The following VAV2 variants were observed in gnomAD, a reference collection of about 807,000 sequenced individuals.
VAV2 encodes the protein guanine nucleotide exchange factor VAV2.
Under a neutral mutation model 132.5 loss-of-function variants are expected in VAV2, and 67 were observed. The observed-to-expected ratio is 0.51, with a 90% CI of 0.42 to 0.62. The LOEUF (loss-of-function observed/expected upper bound fraction) is 0.62. Among genes scored for constraint, VAV2 ranks in the 20% least tolerant of loss-of-function variants. VAV2 has a pLI of 0.00. For missense variants in VAV2, 938 were observed against 1,153.6 expected (o/e 0.81, Z 2.71); for synonymous variants, 492 against 443.5 (o/e 1.11, Z -1.37).
intron 9 of VAV2, 133 bp from the exon 10 acceptor site, chr9:133,797,942 A>C (rs1179142994): frequency 2.8e-6 from 2 of 708,586 alleles, no homozygotes; most frequent in Non-Finnish European, 4.5e-6. Context: ...AGCTCCCTGC[A>C]CGTGGACACA....
intron 1 of VAV2, among the ~76,000 whole-genome samples, chr9:133,957,133 G>A (rs1005436604): frequency 9.2e-5 from 14 of 152,138 alleles, no homozygotes; most frequent in Non-Finnish European, 1.5e-4. Flanking sequence ...TAGGATGATC[G>A]TCCCTGCTTT....
chr9:133,944,880 G>A (rs1428097433), intron 1 of VAV2, among the ~76,000 whole-genome samples: 1 of 152,198 alleles, frequency 6.6e-6, no homozygotes, highest in Non-Finnish European at 1.5e-5. Context: ...AGGAGAGCTC[G>A]GGCAAGTCTC....
chr9:133,793,961 T>G (rs939459064), intron 12 of VAV2, among the ~76,000 whole-genome samples: 1 of 152,082 alleles, frequency 6.6e-6, no homozygotes, highest in African/African-American at 2.4e-5. Flanking sequence ...AGTTTCATGA[T>G]GAGGTTCGGT....
chr9:133,766,613 G>C (rs973557231), intron 29 of VAV2, among the ~76,000 whole-genome samples: 1 of 151,944 alleles, frequency 6.6e-6, no homozygotes, highest in African/African-American at 2.4e-5. Flanking sequence ...TCACACTGGA[G>C]GGGGAGGGGG....
Position 133,788,558 on chromosome 9 carries a change from C to A in VAV2, c.1275-72G>T. On this transcript the variant is annotated intron_variant, in intron 14 of 29. Transcript: ENST00000371850. This position sits in a 1 kb window ranked among gnomAD's most constrained non-coding sequence, Gnocchi z 5.3. ...CTCTGCTCCGAGGAGGCGGCAGGAG[C>A]TGAGCCTGAGGCTCTGGCACGCGGC... The A allele has an allele frequency of 6.4e-7, 1 of 1,562,050 alleles. No homozygotes were observed. Among genetic ancestry groups the A allele is most frequent in the South Asian group, 1.1e-5 (1 of 87,642 alleles).
intron 4 of VAV2, among the ~76,000 whole-genome samples, chr9:133,817,528 A>G (rs931354728): frequency 2.0e-5 from 3 of 152,176 alleles, no homozygotes; most frequent in South Asian, 2.1e-4. Context: ...GAATTGTTTG[A>G]GCCTGGGAGG....
Position 133,877,391 on chromosome 9 carries a change from A to T in VAV2, c.322-15959T>A, listed in dbSNP as rs184043412. On this transcript the variant is annotated intron_variant, in intron 2 of 29. Coordinates refer to ENST00000371850, the MANE Select transcript of VAV2 (RefSeq NM_001134398.2). ...AGCCACTGCCCACAAGCAGGGTGGG[A>T]CCATCACACTGCCAGGAACCTTCTT... is the stretch of plus-strand genomic sequence containing the variant. Among the ~76,000 whole-genome samples the T allele has an allele frequency of 3.1e-4, 47 of 152,290 alleles. No homozygotes were observed. In the East Asian group the frequency reaches 8.9e-3, roughly 29 times the overall value.
chr9:133,922,163 G>T (rs1287261730), intron 2 of VAV2, among the ~76,000 whole-genome samples: 1 of 152,374 alleles, frequency 6.6e-6, no homozygotes, highest in East Asian at 1.9e-4. Flanking sequence ...AGTCTTGGGA[G>T]GTGGTGGGGC....
Position 133,935,016 on chromosome 9 carries a change from G to A in VAV2, c.321+4087C>T. 7.4e-6 allele frequency among the ~76,000 whole-genome samples: 1 copy of A among 135,882 alleles called. No homozygotes were observed. Among genetic ancestry groups the A allele is most frequent in the African/African-American group, 2.7e-5 (1 of 36,472 alleles). The allele number at this position is 135,882 out of a possible 152,430, so 89.1% of individuals were successfully genotyped here. ...GGAGTCCCCAGCCCCACACCCCCTC[G>A]GTTACCCCTGACCAGCCCCACCCAC... On this transcript the variant is annotated intron_variant, in intron 2 of 29. Coordinates refer to ENST00000371850, the MANE Select transcript of VAV2 (RefSeq NM_001134398.2). This position sits in a 1 kb window ranked among gnomAD's most constrained non-coding sequence, Gnocchi z 5.2.
chr9:133,820,323 CTTTT>C (rs1410223095), intron 4 of VAV2, among the ~76,000 whole-genome samples: 1 of 149,084 alleles, frequency 6.7e-6, no homozygotes, highest in Admixed American at 6.7e-5. Context: ...GTTTCTTTTT[CTTTT>C]TCTTTTTTTT....
chr9:133,812,717 G>C (rs943878038), intron 4 of VAV2, among the ~76,000 whole-genome samples: 5 of 152,152 alleles, frequency 3.3e-5, no homozygotes, highest in Non-Finnish European at 7.4e-5. Context: ...CGGGTACATG[G>C]AGGGTGACCC....
At chr9:133,929,098 A>G (rs2132100721) in intron 2 of VAV2, among the ~76,000 whole-genome samples, 1 of 152,320 alleles carries the variant, frequency 6.6e-6, no homozygotes, top group African/African-American at 2.4e-5. Flanking sequence ...AGATGGGGAA[A>G]TGACAGCTGC....
intron 1 of VAV2, among the ~76,000 whole-genome samples, chr9:133,945,936 C>T (rs1057512177): frequency 2.0e-5 from 3 of 152,252 alleles, no homozygotes; most frequent in African/African-American, 4.8e-5. Flanking sequence ...ACCTCAGTTT[C>T]TCAATCTGTA....
At chr9:133,886,613 T>C (rs949726893) in intron 2 of VAV2, among the ~76,000 whole-genome samples, 1 of 152,038 alleles carries the variant, frequency 6.6e-6, no homozygotes, top group Admixed American at 6.5e-5. Context: ...AATCTCCTAC[T>C]GGAGACAAGA....
At chr9:133,816,230 A>C (rs2131717047) in intron 4 of VAV2, among the ~76,000 whole-genome samples, 1 of 152,352 alleles carries the variant, frequency 6.6e-6, no homozygotes, top group African/African-American at 2.4e-5. Flanking sequence ...TCTGGATACT[A>C]GTCAGATATG....
Position 133,769,381 on chromosome 9 carries a change from G to A in VAV2, c.2434+36C>T, listed in dbSNP as rs1232380000. 6.3e-7 allele frequency: 1 copy of A among 1,584,220 alleles called. No individual in the cohort carries two copies. Among genetic ancestry groups the A allele is most frequent in the Non-Finnish European group, 8.6e-7 (1 of 1,165,372 alleles). ...TGGGTCTCCCAAGGCAGCTGCCACA[G>A]GCCCGGTCCCCCCACGCCCTGGGGA... On this transcript the variant is annotated intron_variant, in intron 28 of 29. Transcript: ENST00000371850. The surrounding 1 kb of genome is among the most constrained non-coding windows in gnomAD (Gnocchi z 8.1).
At chr9:133,829,138 C>T (rs1033746988) in intron 4 of VAV2, among the ~76,000 whole-genome samples, 3 of 152,232 alleles carry the variant, frequency 2.0e-5, no homozygotes, top group East Asian at 1.9e-4. Context: ...AAAAGGGAAG[C>T]GCAGTGCCTG....
Position 133,824,851 on chromosome 9 carries a change from C to T in VAV2, c.449+9421G>A, listed in dbSNP as rs73663855. 0.035 allele frequency among the ~76,000 whole-genome samples: 5,355 copies of T among 152,168 alleles called. 320 individuals are homozygous for T. Among genetic ancestry groups the T allele is most frequent in the African/African-American group, 0.12 (5,092 of 41,548 alleles). ...CAGGTGCCTTCCTCTCTCAGAGCCC[C>T]GTCTCCTTCCTGTCCAGCGAGAGGG... On this transcript the variant is annotated intron_variant, in intron 4 of 29. Coordinates refer to ENST00000371850, the MANE Select transcript of VAV2 (RefSeq NM_001134398.2). This position sits in a 1 kb window ranked among gnomAD's most constrained non-coding sequence, Gnocchi z 5.2.
chr9:133,955,985 C>T (rs911787236), intron 1 of VAV2, among the ~76,000 whole-genome samples: 1 of 151,242 alleles, frequency 6.6e-6, no homozygotes, highest in African/African-American at 2.4e-5. Flanking sequence ...GCAGCCAGCA[C>T]CTCACTGCCC....
Sources: allele counts gnomAD v4.1 joint callset (sites outside exome capture counted in the v4.1 genomes callset), GRCh38; gene constraint gnomAD v4.1.1; non-coding constraint Gnocchi (gnomAD v3.1); transcripts MANE v1.5; gene names NCBI Gene and HGNC (gene_info 2026-07-23, HGNC 2026-07-21).